Variants in SPECC1 observed in about 807,000 individuals in gnomAD.
SPECC1 encodes the protein cytospin-B.
SPECC1 carries 62 observed loss-of-function variants against 104.1 expected under a neutral mutation model. That is an observed-to-expected ratio of 0.60 (90% confidence interval 0.49 to 0.74). The LOEUF is 0.74. Ranked by LOEUF, SPECC1 falls within the 30% of genes least tolerant of loss-of-function variation. SPECC1 has a pLI of 0.00. For synonymous variants in SPECC1, 513 were observed against 501.6 expected (o/e 1.02, Z -0.30); for missense variants, 1,306 against 1,310.5 (o/e 1.00, Z 0.05).
chr17:20,170,525 CA>C (rs2034007703), intron 3 of SPECC1, among the ~76,000 whole-genome samples: 1 of 152,170 alleles, frequency 6.6e-6, no homozygotes, highest in Admixed American at 6.5e-5. Flanking sequence ...GTGGAACTCC[CA>C]GGGGGGTGCA....
intron 4 of SPECC1, among the ~76,000 whole-genome samples, chr17:20,211,484 A>G (rs1002086922): frequency 6.6e-6 from 1 of 152,234 alleles, no homozygotes; most frequent in African/African-American, 2.4e-5. Context: ...CCTGGGGAAA[A>G]TTGCCACAGG....
chr17:20,224,473 A>G (rs1345401663), intron 4 of SPECC1, among the ~76,000 whole-genome samples: 2 of 152,050 alleles, frequency 1.3e-5, no homozygotes, highest in Non-Finnish European at 1.5e-5. Flanking sequence ...TAGAAATGCT[A>G]CTTGGGAGCT....
At position 20,272,653 on chromosome 17, in the gene SPECC1, G is replaced by A. The variant is rs192486556; in HGVS notation, c.2940+12359G>A. Among the ~76,000 whole-genome samples the A allele has an allele frequency of 5.3e-5, 8 of 152,216 alleles. No homozygotes were observed. In the East Asian group the frequency reaches 1.4e-3, roughly 26 times the overall value. On this transcript the variant is annotated intron_variant, in intron 12 of 14. Coordinates refer to ENST00000395527, the MANE Select transcript of SPECC1 (RefSeq NM_001243439.2). ...TACAGTATTTGTCCTTTTGTGTCTG[G>A]CATATTTCACTTAGCATGATGTCCT... is the stretch of plus-strand genomic sequence containing the variant.
intron 4 of SPECC1, among the ~76,000 whole-genome samples, chr17:20,211,302 C>T (rs1385385561): frequency 6.6e-6 from 1 of 152,222 alleles, no homozygotes; most frequent in African/African-American, 2.4e-5. Flanking sequence ...TGAGCAGAGG[C>T]CTGTGGCTTC....
At chr17:20,059,657 A>G (rs1011127544) in intron 1 of SPECC1, among the ~76,000 whole-genome samples, 1 of 152,202 alleles carries the variant, frequency 6.6e-6, no homozygotes, top group African/African-American at 2.4e-5. Context: ...TGGTCGTTGT[A>G]TATGAACATC....
At chr17:20,205,993 A>G (rs1002676903) in intron 4 of SPECC1, 81 bp downstream of exon 4, 2 of 1,505,196 alleles carry the variant, frequency 1.3e-6, no homozygotes, top group African/African-American at 2.8e-5. Context: ...CACAGAGCAC[A>G]GAGAAGCATT....
At chr17:20,215,443 T>C (rs140562453) in intron 4 of SPECC1, among the ~76,000 whole-genome samples, 1,560 of 152,298 alleles carry the variant, frequency 0.01, 10 homozygotes, top group Middle Eastern at 0.034. Flanking sequence ...GAGGCAGTTA[T>C]GGGGGGTTTA....
intron 3 of SPECC1, among the ~76,000 whole-genome samples, chr17:20,133,555 T>C (rs1428278574): frequency 2.0e-5 from 3 of 152,174 alleles, no homozygotes; most frequent in Non-Finnish European, 4.4e-5. Flanking sequence ...TGACTCATGT[T>C]ATGTCTAGAT....
chr17:20,023,052 G>C (rs1396664320), intron 1 of SPECC1, among the ~76,000 whole-genome samples: 5 of 152,192 alleles, frequency 3.3e-5, no homozygotes, highest in Non-Finnish European at 4.4e-5. Flanking sequence ...CTATGGTTTA[G>C]TGAAATTGCA....
At position 20,199,080 on chromosome 17, in the gene SPECC1, CTTTTTTTTTTTTT is replaced by C. The variant is rs562975649; in HGVS notation, c.284-5241_284-5229del. Among the ~76,000 whole-genome samples the C allele has an allele frequency of 3.1e-4, 24 of 76,590 alleles. 1 individual carries two copies. The highest frequency in any genetic ancestry group is 2.6e-3 in the South Asian group (4 of 1,534). 50.2% of individuals were successfully genotyped at this position (76,590 alleles called of 152,430 possible). ...ATGGAATTGCAGGATCTTATGGTAG[CTTTTTTTTTTTTT>C]TTTTTTTTTTTGAAACAGAGTCTTA... On this transcript the variant is annotated intron_variant, in intron 3 of 14. Coordinates refer to ENST00000395527, the MANE Select transcript of SPECC1 (RefSeq NM_001243439.2).
chr17:20,245,147 G>A (rs185293826), intron 7 of SPECC1, among the ~76,000 whole-genome samples: 2 of 152,302 alleles, frequency 1.3e-5, no homozygotes, highest in Non-Finnish European at 2.9e-5. Context: ...TTGCACTCTC[G>A]TTGGCTTAGG....
chr17:20,257,130 A>G (rs1190771665), intron 10 of SPECC1, among the ~76,000 whole-genome samples: 1 of 152,132 alleles, frequency 6.6e-6, no homozygotes, highest in East Asian at 1.9e-4. Context: ...AAAAGATACT[A>G]CCTGGGGACA....
chr17:20,105,544 T>G (rs894586811), intron 2 of SPECC1, among the ~76,000 whole-genome samples: 1 of 152,048 alleles, frequency 6.6e-6, no homozygotes, highest in African/African-American at 2.4e-5. Context: ...TCCCCACCCT[T>G]GAAAACAAAA....
chr17:20,302,720 A>G (rs1027552196), intron 13 of SPECC1, among the ~76,000 whole-genome samples: 1 of 148,084 alleles, frequency 6.8e-6, no homozygotes, highest in African/African-American at 2.5e-5. Context: ...TGTTTTCACA[A>G]CAGATACTGA....
chr17:20,287,280 G>A (rs1449507953), intron 12 of SPECC1, among the ~76,000 whole-genome samples: 3 of 151,974 alleles, frequency 2.0e-5, no homozygotes, highest in African/African-American at 4.8e-5. Flanking sequence ...AGCCGGGCGC[G>A]GTGGCGGGCG....
chr17:20,292,738 A>T (rs1158635420), intron 12 of SPECC1, among the ~76,000 whole-genome samples: 1 of 152,246 alleles, frequency 6.6e-6, no homozygotes, highest in Non-Finnish European at 1.5e-5. Context: ...CCCAGAAGTT[A>T]CAAGATGGGG....
chr17:20,083,325 C>T (rs2047054765), intron 1 of SPECC1, among the ~76,000 whole-genome samples: 1 of 152,286 alleles, frequency 6.6e-6, no homozygotes. Flanking sequence ...CTGGCATATA[C>T]AGTCATACAA....
At chr17:20,165,026 TAAGTTAAATTTATTTTAAA>T (rs1434020201) in intron 3 of SPECC1, among the ~76,000 whole-genome samples, 3 of 152,232 alleles carry the variant, frequency 2.0e-5, no homozygotes, top group Non-Finnish European at 2.9e-5. Context: ...AATTTTATTT[TAAGTTAAATTTATTTTAAA>T]AAGTTAAATT....
chr17:20,108,065 T>C (rs1292001352), intron 2 of SPECC1, among the ~76,000 whole-genome samples: 1 of 152,196 alleles, frequency 6.6e-6, no homozygotes, highest in Non-Finnish European at 1.5e-5. Context: ...AGTTACTGTT[T>C]AATGAGTAGA....
Sources: gnomAD v4.1 joint callset for allele counts (sites outside exome capture counted in the v4.1 genomes callset) on GRCh38, gnomAD v4.1.1 for gene constraint, MANE v1.5 for transcripts, NCBI Gene and HGNC (gene_info 2026-07-23, HGNC 2026-07-21) for gene names.